GALNT14: variants seen among roughly 807,000 people sequenced by gnomAD.
GALNT14 encodes the protein UDP-GalNAc:polypeptide N-acetylgalactosaminyltransferase 14.
GALNT14 carries 60 observed loss-of-function variants against 77.5 expected under a neutral mutation model. That is an observed-to-expected ratio of 0.77 (90% CI 0.63 to 0.96). The LOEUF is 0.96. Among genes scored for constraint, GALNT14 ranks in the 40% least tolerant of loss-of-function variants. The pLI is 0.00. For synonymous variants in GALNT14, 280 were observed against 281.7 expected (o/e 0.99, Z 0.06); for missense variants, 710 against 731.0 (o/e 0.97, Z 0.33).
At chr2:30,929,548 T>C in intron 10 of GALNT14, 61 bp from the exon 11 acceptor site, 2 of 1,283,974 alleles carry the variant, frequency 1.6e-6, no homozygotes, top group Non-Finnish European at 2.2e-6. Context: ...GCCCTGTGAG[T>C]GCCAGTTAAA....
At chr2:31,130,781 TGTGC>T (rs1416566033) in intron 1 of GALNT14, among the ~76,000 whole-genome samples, 5 of 124,212 alleles carry the variant, frequency 4.0e-5, no homozygotes, top group South Asian at 2.7e-4. Flanking sequence ...TGTGTGTGTG[TGTGC>T]GCGCGCACCT....
At chr2:30,976,631 G>A (rs1668650257) in intron 2 of GALNT14, among the ~76,000 whole-genome samples, 1 of 152,016 alleles carries the variant, frequency 6.6e-6, no homozygotes, top group African/African-American at 2.4e-5. Flanking sequence ...ATGTGTGTGT[G>A]TGTGTGTGTG....
At chr2:30,992,219 G>A (rs191909252) in intron 2 of GALNT14, among the ~76,000 whole-genome samples, 1 of 152,248 alleles carries the variant, frequency 6.6e-6, no homozygotes, top group East Asian at 1.9e-4. Context: ...CTGCTTGCTA[G>A]GAAACAAAAC....
chr2:30,907,534 C>A (rs1380697550), downstream of GALNT14, among the ~76,000 whole-genome samples: 1 of 152,166 alleles, frequency 6.6e-6, no homozygotes, highest in Admixed American at 6.5e-5. Context: ...TCGGAATAGA[C>A]CAATAACAGG....
intron 13 of GALNT14, among the ~76,000 whole-genome samples, chr2:30,917,076 CAAAAAAAAAAAAAAA>C (rs529653696): frequency 1.0e-4 from 2 of 19,892 alleles, no homozygotes; most frequent in Non-Finnish European, 1.9e-4. Flanking sequence ...GACTCCGTCT[CAAAAAAAAAAAAAAA>C]AAAAAAAAAA....
chr2:30,938,448 T>C (rs769187085), intron 9 of GALNT14, among the ~76,000 whole-genome samples: 2 of 151,806 alleles, frequency 1.3e-5, no homozygotes, highest in Admixed American at 1.3e-4. Context: ...AAGCTAAAAG[T>C]AGGATGCAGC....
rs529734143 is a variant in GALNT14 at position 31,021,450 on chromosome 2, G to A, written c.130-28443C>T. 7.9e-4 allele frequency among the ~76,000 whole-genome samples: 119 copies of A among 151,592 alleles called. 1 individual carries two copies. Among genetic ancestry groups the A allele is most frequent in the Middle Eastern group, 3.4e-3 (1 of 294 alleles). ...CTCCCGAGTAGCTGGGATTACAGGC[G>A]CCCACCACGACACCTGGCTAATTTT... On this transcript the variant is annotated intron_variant, in intron 1 of 14. Coordinates refer to ENST00000349752, the MANE Select transcript of GALNT14 (RefSeq NM_024572.4).
chr2:30,992,810 G>T, intron 2 of GALNT14, 28 bp downstream of exon 2: 2 of 1,608,334 alleles, frequency 1.2e-6, no homozygotes, highest in Non-Finnish European at 8.5e-7. Context: ...GACTGCGGGG[G>T]TAACAGAGTG....
intron 10 of GALNT14, among the ~76,000 whole-genome samples, chr2:30,931,387 C>T (rs1167473674): frequency 1.3e-5 from 2 of 151,846 alleles, no homozygotes; most frequent in Non-Finnish European, 2.9e-5. Flanking sequence ...GGAATATTCA[C>T]GAATTATTCT....
chr2:31,026,415 A>G (rs756771206), intron 1 of GALNT14, among the ~76,000 whole-genome samples: 4 of 152,140 alleles, frequency 2.6e-5, no homozygotes, highest in Non-Finnish European at 5.9e-5. Flanking sequence ...GTTGCTTTTA[A>G]TTGGATGCAG....
intron 1 of GALNT14, among the ~76,000 whole-genome samples, chr2:31,003,428 G>A (rs535762520): frequency 6.6e-6 from 1 of 152,254 alleles, no homozygotes; most frequent in East Asian, 1.9e-4. Flanking sequence ...CAACAGCCAG[G>A]TGCCTAGAAA....
At chr2:30,922,156 G>C (rs1252262393) in intron 13 of GALNT14, among the ~76,000 whole-genome samples, 1 of 152,070 alleles carries the variant, frequency 6.6e-6, no homozygotes, top group African/African-American at 2.4e-5. Context: ...AGATGCTCAT[G>C]GCTATCTGTT....
intron 1 of GALNT14, among the ~76,000 whole-genome samples, chr2:31,069,134 G>C (rs1488090478): frequency 1.3e-5 from 2 of 152,058 alleles, no homozygotes; most frequent in Non-Finnish European, 2.9e-5. Flanking sequence ...TTGTCATATG[G>C]GTAGACTGTA....
Position 31,074,043 on chromosome 2 carries a change from T to C in GALNT14, c.129+63915A>G, listed in dbSNP as rs144309013. On this transcript the variant is annotated intron_variant, in intron 1 of 14. Coordinates refer to ENST00000349752, the MANE Select transcript of GALNT14 (RefSeq NM_024572.4). Reference sequence around the variant, plus strand: ...AATGGGGTTTTACACTGCCAACAGCTGCCTGTGAGTTGAGGAGTTAGAAGA... The same window carrying C: ...AATGGGGTTTTACACTGCCAACAGCCGCCTGTGAGTTGAGGAGTTAGAAGA... Among the ~76,000 whole-genome samples the C allele has an allele frequency of 3.7e-3, 570 of 152,322 alleles. 2 individuals are homozygous for C. The highest frequency in any genetic ancestry group is 0.014 in the Middle Eastern group (4 of 294).
At chr2:31,115,489 T>C (rs1678061094) in intron 1 of GALNT14, among the ~76,000 whole-genome samples, 1 of 152,186 alleles carries the variant, frequency 6.6e-6, no homozygotes. Context: ...AACAGAGGTG[T>C]GATGAACCTT....
At chr2:31,088,091 C>G (rs1170194483) in intron 1 of GALNT14, among the ~76,000 whole-genome samples, 1 of 152,150 alleles carries the variant, frequency 6.6e-6, no homozygotes, top group African/African-American at 2.4e-5. Flanking sequence ...GTTGATAATC[C>G]ACCCAGTCTA....
intron 13 of GALNT14, among the ~76,000 whole-genome samples, chr2:30,920,877 C>A (rs528412731): frequency 1.3e-5 from 2 of 152,318 alleles, no homozygotes; most frequent in East Asian, 3.9e-4. Context: ...GTGAAGTGGA[C>A]TGAGCGTCAT....
intron 1 of GALNT14, among the ~76,000 whole-genome samples, chr2:31,049,789 C>T (rs1673721723): frequency 6.6e-6 from 1 of 152,220 alleles, no homozygotes; most frequent in South Asian, 2.1e-4. Flanking sequence ...CTCACTGATT[C>T]CCTTCTGACT....
Position 30,925,221 on chromosome 2 carries a change from G to A in GALNT14, c.1152-398C>T, listed in dbSNP as rs548194673. Reference sequence around the variant, plus strand: ...TTCTGCAGCCGAAACACCACTCCCCGCTGCCCCAGTCTCAAAAAATCCTTT... The same window carrying A: ...TTCTGCAGCCGAAACACCACTCCCCACTGCCCCAGTCTCAAAAAATCCTTT... On this transcript the variant is annotated intron_variant, in intron 11 of 14. Transcript: ENST00000349752. 3.4e-4 allele frequency among the ~76,000 whole-genome samples: 52 copies of A among 152,234 alleles called. 1 individual carries two copies. The South Asian group carries it at 7.5e-3, about 22-fold the overall frequency.
Sources: gnomAD v4.1 joint callset for allele counts (sites outside exome capture counted in the v4.1 genomes callset) on GRCh38, gnomAD v4.1.1 for gene constraint, MANE v1.5 for transcripts, NCBI Gene and HGNC (gene_info 2026-07-23, HGNC 2026-07-21) for gene names.